ZFHX3: variants seen among roughly 807,000 people sequenced by gnomAD.
The protein encoded by ZFHX3 is zinc finger homeobox 3, also known as zinc finger homeobox protein 3.
A neutral mutation model predicts 279.1 loss-of-function variants in ZFHX3; 42 were observed. The ratio of observed to expected loss-of-function variants is 0.15; its 90% CI spans 0.12 to 0.19. The LOEUF (loss-of-function observed/expected upper bound fraction) is 0.19. ZFHX3 is among the 10% of genes least tolerant of loss of function. The probability of loss-of-function intolerance (pLI) is 1.00; values close to 1 mark genes in which losing one functional copy is unlikely to be tolerated. For missense variants in ZFHX3, 4,981 were observed against 4,754.0 expected, an observed-to-expected ratio of 1.05 and a Z score of -1.40; for synonymous variants, 2,293 against 1,957.8, an observed-to-expected ratio of 1.17 and a Z score of -4.52.
intron 3 of ZFHX3, among the ~76,000 whole-genome samples, chr16:73,382,944 T>G (rs573257508): frequency 3.9e-5 from 6 of 152,132 alleles, no homozygotes; most frequent in Non-Finnish European, 8.8e-5. Context: ...CAAGAAGACC[T>G]GTTGCAGTCT....
At position 73,556,661 on chromosome 16, in the gene ZFHX3, C is replaced by T. The variant is rs538062669; in HGVS notation, c.-1546-100403G>A. On this transcript the variant is annotated intron_variant, in intron 2 of 17. Transcript: ENST00000641206. ...AAAAAGGATAGATGTTACAGGGGGACCAAAGGAAGGAGTCCTAGGGGGTGA... is the reference window on the plus strand; with the variant it reads ...AAAAAGGATAGATGTTACAGGGGGATCAAAGGAAGGAGTCCTAGGGGGTGA... 5.3e-5 allele frequency among the ~76,000 whole-genome samples: 8 copies of T among 151,826 alleles called. No individual in the cohort carries two copies. The South Asian group carries it at 1.7e-3, about 32-fold the overall frequency.
At chr16:73,501,398 T>C (rs1425469092) in intron 2 of ZFHX3, among the ~76,000 whole-genome samples, 7 of 152,234 alleles carry the variant, frequency 4.6e-5, no homozygotes, top group Non-Finnish European at 1.5e-5. Flanking sequence ...CCAACTGTTT[T>C]AGAAGAAAAG....
chr16:73,389,631 G>A (rs1354204591), intron 3 of ZFHX3, among the ~76,000 whole-genome samples: 1 of 152,204 alleles, frequency 6.6e-6, no homozygotes, highest in East Asian at 1.9e-4. Context: ...TGCTCACAGG[G>A]AAGCTGTGAT....
intron 2 of ZFHX3, among the ~76,000 whole-genome samples, chr16:73,584,701 G>A (rs191422097): frequency 1.6e-3 from 238 of 152,202 alleles, no homozygotes; most frequent in Admixed American, 4.2e-3. Flanking sequence ...TGATGAAATC[G>A]CCAAAAGCAA....
In ZFHX3 at chr16:72,787,030, C is replaced by CT. The variant is rs949021905; in HGVS notation, c.*133dup. ...TATGGGAAAACAACCCACGCTTTTT[C>CT]TTTTTTTTCTTTTTTTTTTTTTTTT... On this transcript the variant is annotated 3_prime_UTR_variant, in exon 10 of 10. Coordinates refer to ENST00000268489, the MANE Select transcript of ZFHX3 (RefSeq NM_006885.4). 55 of 967,730 alleles carry CT rather than the reference C, an allele frequency of 5.7e-5. No homozygotes were observed. Among genetic ancestry groups the CT allele is most frequent in the East Asian group, 2.3e-4 (6 of 25,608 alleles). 59.9% of individuals were successfully genotyped at this position (967,730 alleles called of 1,614,324 possible). A position where few individuals can be genotyped will look rare whatever the true frequency, so the allele number is the denominator to read the frequency against.
At chr16:73,790,870 G>A (rs191900756) in intron 1 of ZFHX3, among the ~76,000 whole-genome samples, 62 of 152,314 alleles carry the variant, frequency 4.1e-4, no homozygotes, top group Middle Eastern at 6.8e-3. Flanking sequence ...GAACTGGAAC[G>A]TGCCCACACA....
chr16:73,422,769 T>C (rs567056771), intron 3 of ZFHX3, among the ~76,000 whole-genome samples: 21 of 152,354 alleles, frequency 1.4e-4, no homozygotes, highest in Admixed American at 3.9e-4. Flanking sequence ...ACCTATGTCA[T>C]TCCCAATCTC....
rs578005241 is a variant in ZFHX3 at position 73,178,628 on chromosome 16, A to T, written c.-1103-34797T>A. On this transcript the variant is annotated intron_variant, in intron 5 of 17. Transcript: ENST00000641206. ...ATTCATGTTCATCCTTAAACATGGC[A>T]TTGAAAATTCAACACAATAGTTTAT... is the stretch of plus-strand genomic sequence containing the variant. 3.3e-5 allele frequency among the ~76,000 whole-genome samples: 5 copies of T among 152,260 alleles called. No homozygotes were observed. In the East Asian group the frequency reaches 9.7e-4, roughly 29 times the overall value.
Position 73,248,665 on chromosome 16 carries a change from G to GTGTGTGTGCGCA in ZFHX3, c.-1104+8381_-1104+8382insTGCGCACACACA, listed in dbSNP as rs888285257. On this transcript the variant is annotated intron_variant, in intron 5 of 17. Coordinates refer to the ZFHX3 transcript ENST00000641206. Reference sequence around the variant, plus strand: ...AATGTATGTGTGTGTGTGTGTGTGTGCACGTGCACGTGTGTGTTGTGGCTC... The same window carrying GTGTGTGTGCGCA: ...AATGTATGTGTGTGTGTGTGTGTGTGTGTGTGTGCGCACACGTGCACGTGTGTGTTGTGGCTC... Among the ~76,000 whole-genome samples, 4 of 150,456 alleles carry GTGTGTGTGCGCA rather than the reference G, an allele frequency of 2.7e-5. No individual in the cohort carries two copies. In the Middle Eastern group the frequency reaches 0.01, roughly 384 times the overall value.
chr16:73,310,048 A>G (rs1159856632), intron 4 of ZFHX3, among the ~76,000 whole-genome samples: 1 of 151,682 alleles, frequency 6.6e-6, no homozygotes, highest in African/African-American at 2.4e-5. Flanking sequence ...AGCTGGGATT[A>G]CAGGTGCCCA....
intron 5 of ZFHX3, among the ~76,000 whole-genome samples, chr16:73,159,679 G>C (rs1325024521): frequency 2.0e-5 from 3 of 152,100 alleles, no homozygotes; most frequent in Non-Finnish European, 4.4e-5. Flanking sequence ...ACTAAGTGTT[G>C]GGATACTTTG....
At chr16:73,583,451 G>C (rs1341286240) in intron 2 of ZFHX3, among the ~76,000 whole-genome samples, 1 of 152,182 alleles carries the variant, frequency 6.6e-6, no homozygotes, top group East Asian at 1.9e-4. Context: ...AGAGATACCA[G>C]TTTTAATGAC....
At chr16:73,033,712 T>C (rs1964794213) in intron 1 of ZFHX3, among the ~76,000 whole-genome samples, 1 of 151,978 alleles carries the variant, frequency 6.6e-6, no homozygotes, top group Non-Finnish European at 1.5e-5. Flanking sequence ...GATACCTCCC[T>C]CCCTCCAAAC....
chr16:73,599,321 T>C (rs2052086622), intron 2 of ZFHX3, among the ~76,000 whole-genome samples: 1 of 152,236 alleles, frequency 6.6e-6, no homozygotes, highest in South Asian at 2.1e-4. Context: ...TCCTCTGAGA[T>C]GCAAAGTCTT....
At chr16:73,147,322 T>G (rs543129168) in intron 5 of ZFHX3, among the ~76,000 whole-genome samples, 33 of 152,124 alleles carry the variant, frequency 2.2e-4, no homozygotes, top group Non-Finnish European at 4.0e-4. Flanking sequence ...CACAGCAGTT[T>G]CCTTTTGCCT....
intron 1 of ZFHX3, among the ~76,000 whole-genome samples, chr16:73,736,562 C>G (rs1488274315): frequency 1.3e-5 from 2 of 152,106 alleles, no homozygotes; most frequent in African/African-American, 2.4e-5. Flanking sequence ...ATAAAAGGGA[C>G]TGAAGAAAAT....
chr16:73,191,301 C>A (rs1968027176), intron 5 of ZFHX3, among the ~76,000 whole-genome samples: 1 of 152,162 alleles, frequency 6.6e-6, no homozygotes, highest in South Asian at 2.1e-4. Flanking sequence ...CCGTGGCTCC[C>A]CCCGGCCGCC....
At chr16:73,038,951 C>T (rs1965011825) in intron 1 of ZFHX3, among the ~76,000 whole-genome samples, 2 of 151,828 alleles carry the variant, frequency 1.3e-5, no homozygotes, top group South Asian at 4.2e-4. Flanking sequence ...GCGTGCACCA[C>T]CACGCCCGGC....
At chr16:73,684,348 G>A (rs1390479576) in intron 1 of ZFHX3, among the ~76,000 whole-genome samples, 1 of 151,966 alleles carries the variant, frequency 6.6e-6, no homozygotes, top group Admixed American at 6.6e-5. Flanking sequence ...GTGTGTGTGT[G>A]TGTGTGTATG....
Sources: allele counts gnomAD v4.1 joint callset (sites outside exome capture counted in the v4.1 genomes callset), GRCh38; gene constraint gnomAD v4.1.1; transcripts MANE v1.5; gene names NCBI Gene and HGNC (gene_info 2026-07-23, HGNC 2026-07-21).